IQCF2: variants seen among roughly 807,000 people sequenced by gnomAD.
IQCF2 encodes IQ domain-containing protein F2.
A neutral mutation model predicts 7.0 loss-of-function variants in IQCF2; 6 were observed. That is an observed-to-expected ratio of 0.86 (90% CI 0.47 to 1.70). The LOEUF (loss-of-function observed/expected upper bound fraction) is 1.70, where lower values mean the gene tolerates loss of function less well. IQCF2 is among the 40% of genes most tolerant of loss of function. The pLI, the probability that IQCF2 is intolerant of heterozygous loss-of-function variation, is 0.01. For missense variants in IQCF2, 174 were observed against 204.6 expected, an observed-to-expected ratio of 0.85 and a Z score of 0.91; for synonymous variants, 67 against 74.0, an observed-to-expected ratio of 0.91 and a Z score of 0.48.
At chr3:51,862,961 G>A (rs768190742) in intron 2 of IQCF2, 26 bp from the exon 3 acceptor site, 1 of 1,570,372 alleles carries the variant, frequency 6.4e-7, no homozygotes, top group Non-Finnish European at 8.6e-7. Flanking sequence ...GAAGTTTTCT[G>A]ACTGATCGCT....
intron 2 of IQCF2, 60 bp from the exon 3 acceptor site, chr3:51,862,927 G>A: frequency 6.6e-7 from 1 of 1,523,206 alleles, no homozygotes; most frequent in Non-Finnish European, 8.8e-7. Context: ...CTCCTTCCAG[G>A]AAGATCCTAG....
At position 51,863,169 on chromosome 3, in the gene IQCF2, CAGAG is replaced by C; in HGVS notation, c.299_302del (p.Glu100GlyfsTer3). On this transcript the variant is annotated frameshift_variant, in exon 3 of 3. Transcript: ENST00000333127. LOFTEE classifies it high-confidence loss of function. ...AGGCAGCTCTGATCGCCTACGCAAC[CAGAG>C]AGAGGGCAGTGATCAAGCTCCAGTC... is the stretch of plus-strand genomic sequence containing the variant. The C allele has an allele frequency of 1.9e-6, 3 of 1,614,226 alleles. No homozygotes were observed. Among genetic ancestry groups the C allele is most frequent in the Non-Finnish European group, 2.5e-6 (3 of 1,180,050 alleles).
rs780268980 is a variant in IQCF2 at position 51,861,685 on chromosome 3, G to A, written c.18+1G>A. ...ACAGGCCATGAGGGTTCGATTTTGTGTAAGAGACATGGCCAGATCTATTAG... is the reference window on the plus strand; with the variant it reads ...ACAGGCCATGAGGGTTCGATTTTGTATAAGAGACATGGCCAGATCTATTAG... On this transcript the variant is annotated splice_donor_variant, in intron 1 of 2. Coordinates refer to ENST00000333127, the MANE Select transcript of IQCF2 (RefSeq NM_203424.2). LOFTEE classifies it high-confidence loss of function. 2.5e-6 allele frequency: 4 copies of A among 1,614,042 alleles called. No homozygotes were observed. In the Admixed American group the frequency reaches 5.0e-5, roughly 20 times the overall value.
At position 51,861,627 on chromosome 3, in the gene IQCF2, G is replaced by A; in HGVS notation, c.-40G>A. The A allele has an allele frequency of 1.9e-6, 3 of 1,613,436 alleles. No homozygotes were observed. Among genetic ancestry groups the A allele is most frequent in the Non-Finnish European group, 2.5e-6 (3 of 1,179,330 alleles). On this transcript the variant is annotated 5_prime_UTR_variant, in exon 1 of 3. Coordinates refer to ENST00000333127, the MANE Select transcript of IQCF2 (RefSeq NM_203424.2). ...CGTTACTCATGCCAGACCTTGGGAA[G>A]CAGAGAAATCAGGGCTAATGAACCA... is the stretch of plus-strand genomic sequence containing the variant.
At chr3:51,862,660 A>G (rs1698651419) in intron 2 of IQCF2, among the ~76,000 whole-genome samples, 1 of 152,252 alleles carries the variant, frequency 6.6e-6, no homozygotes, top group Non-Finnish European at 1.5e-5. Context: ...TTCCAAACCC[A>G]GTGAGCACCA....
intron 2 of IQCF2, among the ~76,000 whole-genome samples, chr3:51,862,264 T>C (rs2107211385): frequency 6.6e-6 from 1 of 151,816 alleles, no homozygotes; most frequent in Admixed American, 6.6e-5. Context: ...CCGGGTGTGG[T>C]GGTGAGTGCC....
Position 51,863,420 on chromosome 3 carries a change from CT to C in IQCF2, c.*51del. ...CTACTGTCCCTATTAAAGGTCTAAC[CT>C]GGTCTGGTGTGTCTCATGGGCTCCC... On this transcript the variant is annotated 3_prime_UTR_variant, in exon 3 of 3. Transcript: ENST00000333127. 1 of 1,556,992 alleles carries C rather than the reference CT, an allele frequency of 6.4e-7. No individual in the cohort carries two copies. Among genetic ancestry groups the C allele is most frequent in the Middle Eastern group, 2.0e-4 (1 of 5,106 alleles).
chr3:51,862,953 A>C, intron 2 of IQCF2, 34 bp from the exon 3 acceptor site: 1 of 1,556,878 alleles, frequency 6.4e-7, no homozygotes, highest in Non-Finnish European at 8.7e-7. Flanking sequence ...GGTGGCAGGA[A>C]GTTTTCTGAC....
rs574803678 is a variant in IQCF2, at chr3:51,861,883, T to C, written c.44T>C (p.Ile15Thr). ...FCTKGNLILVIIEDVEESIEW... is the reference protein window; with the variant it reads ...FCTKGNLILVTIEDVEESIEW... ...ACCAAAGGCAATTTAATTTTGGTTATAATTGAGGATGTTGAAGAAAGCATT... is the reference window on the plus strand; with the variant it reads ...ACCAAAGGCAATTTAATTTTGGTTACAATTGAGGATGTTGAAGAAAGCATT... The change falls in exon 2 of 3, where the codon ATA (isoleucine) becomes ACA (threonine). Residue 15 changes from isoleucine (I) to threonine (T), a missense_variant. By Grantham distance (89) the Ile-to-Thr change is moderately conservative. Transcript: ENST00000333127. 13 of 1,613,944 alleles carry C rather than the reference T, an allele frequency of 8.1e-6. No homozygotes were observed. Among genetic ancestry groups the C allele is most frequent in the Middle Eastern group, 1.7e-4 (1 of 6,060 alleles).
At chr3:51,861,833 AC>A (rs1190592325) in intron 1 of IQCF2, 24 bp from the exon 2 acceptor site, 5 of 1,591,548 alleles carry the variant, frequency 3.1e-6, no homozygotes, top group Non-Finnish European at 3.4e-6. Flanking sequence ...TCATTTATGT[AC>A]TTCCCATTTA....
At position 51,863,163 on chromosome 3, in the gene IQCF2, C is replaced by T. The variant is rs139414965; in HGVS notation, c.288C>T (p.Tyr96=). ...EKKRQAALIA[Y]ATRERAVIKL... ...AACGGCAGGCAGCTCTGATCGCCTACGCAACCAGAGAGAGGGCAGTGATCA... is the reference window on the plus strand; with the variant it reads ...AACGGCAGGCAGCTCTGATCGCCTATGCAACCAGAGAGAGGGCAGTGATCA... Residue 96 remains tyrosine (Y), a synonymous_variant, in exon 3 of 3, where the codon TAC becomes TAT. Coordinates refer to ENST00000333127, the MANE Select transcript of IQCF2 (RefSeq NM_203424.2). The T allele has an allele frequency of 1.5e-5, 24 of 1,614,198 alleles. No homozygotes were observed. Among genetic ancestry groups the T allele is most frequent in the Admixed American group, 1.3e-4 (8 of 60,030 alleles).
Position 51,863,111 on chromosome 3 carries a change from T to A in IQCF2, c.236T>A (p.Met79Lys), listed in dbSNP as rs1451871006. 1.2e-6 allele frequency: 2 copies of A among 1,614,248 alleles called. No homozygotes were observed. Among genetic ancestry groups the A allele is most frequent in the South Asian group, 2.2e-5 (2 of 91,084 alleles). The change falls in exon 3 of 3, where the codon ATG (methionine) becomes AAG (lysine). Residue 79 changes from methionine to lysine, a missense_variant. Met to Lys is a moderately conservative substitution (Grantham distance 95). Transcript: ENST00000333127. ...TGGATAATTCAGTGCTGGTGGCGGA[T>A]GACGCTGTCGAGGGTGCTGGAGAAG... ...RAWIIQCWWR[M>K]TLSRVLEKKR...
intron 2 of IQCF2, among the ~76,000 whole-genome samples, 179 bp from the exon 3 acceptor site, chr3:51,862,808 C>T (rs191296467): frequency 1.6e-4 from 25 of 152,304 alleles, no homozygotes; most frequent in Non-Finnish European, 2.8e-4. Context: ...AGTGATGTGC[C>T]CACAGTGGCA....
chr3:51,862,043 A>T (rs1698643434), intron 2 of IQCF2, 93 bp downstream of exon 2: 1 of 855,664 alleles, frequency 1.2e-6, no homozygotes, highest in Admixed American at 2.4e-5. Flanking sequence ...TCCAGGGTCT[A>T]ATTAGGAGTC....
Position 51,863,054 on chromosome 3 carries a change from G to A in IQCF2, c.179G>A (p.Arg60His), listed in dbSNP as rs187375695. ...GCCTGGTGGCGGGGCACCCTGGTGC[G>A]CAGGACACTGCTGCATGCAGCCCTC... ...IQAWWRGTLVRRTLLHAALRA... is the reference protein window; with the variant it reads ...IQAWWRGTLVHRTLLHAALRA... Residue 60 changes from arginine (R) to histidine (H), a missense_variant, in exon 3 of 3, where the codon CGC (arginine) becomes CAC (histidine). Arg to His is a conservative substitution (Grantham distance 29). Coordinates refer to ENST00000333127, the MANE Select transcript of IQCF2 (RefSeq NM_203424.2). 4.3e-6 allele frequency: 7 copies of A among 1,614,102 alleles called. No individual in the cohort carries two copies. The East Asian group carries it at 6.7e-5, about 15-fold the overall frequency.
rs964233457 is a variant in IQCF2 at position 51,861,688 on chromosome 3, A to G, written c.18+4A>G. 3.7e-6 allele frequency: 6 copies of G among 1,614,178 alleles called. No individual in the cohort carries two copies. The African/African-American group carries it at 5.3e-5, about 14-fold the overall frequency. On this transcript the variant is annotated splice_donor_region_variant and intron_variant, in intron 1 of 2. Coordinates refer to ENST00000333127, the MANE Select transcript of IQCF2 (RefSeq NM_203424.2). ...GGCCATGAGGGTTCGATTTTGTGTA[A>G]GAGACATGGCCAGATCTATTAGGTG... is the stretch of plus-strand genomic sequence containing the variant.
chr3:51,863,172 A>G lies in IQCF2; in HGVS notation c.297A>G (p.Arg99=). The G allele has an allele frequency of 6.2e-7, 1 of 1,614,174 alleles. No individual in the cohort carries two copies. The highest frequency in any genetic ancestry group is 8.5e-7 in the Non-Finnish European group (1 of 1,180,030). Residue 99 remains arginine, a synonymous_variant, in exon 3 of 3, where the codon AGA becomes AGG. Transcript: ENST00000333127. ...RQAALIAYAT[R]ERAVIKLQSL... ...CAGCTCTGATCGCCTACGCAACCAG[A>G]GAGAGGGCAGTGATCAAGCTCCAGT...
In IQCF2 at chr3:51,863,293, A is replaced by T; in HGVS notation, c.418A>T (p.Thr140Ser). The T allele has an allele frequency of 6.2e-7, 1 of 1,614,156 alleles. No homozygotes were observed. ...CCACTGGCAATGCCACAACTGCCAG[A>T]CCTGCGCTCTCCTCCAGGGCCACTG... ...QGHWQCHNCQ[T>S]CALLQGHCVV... Residue 140 changes from threonine (T) to serine (S), a missense_variant, in exon 3 of 3, where the codon ACC becomes TCC. Coordinates refer to ENST00000333127, the MANE Select transcript of IQCF2 (RefSeq NM_203424.2).
rs775396511 is a variant in IQCF2 at position 51,863,276 on chromosome 3, A to G, written c.401A>G (p.Gln134Arg). 1 of 1,614,202 alleles carries G rather than the reference A, an allele frequency of 6.2e-7. No homozygotes were observed. The highest frequency in any genetic ancestry group is 1.1e-5 in the South Asian group (1 of 91,088). Residue 134 changes from glutamine to arginine, a missense_variant, in exon 3 of 3, where the codon CAA (glutamine) becomes CGA (arginine). Transcript: ENST00000333127. ...NAIYIIQGHW[Q>R]CHNCQTCALL... ...ATCTACATCATCCAGGGCCACTGGC[A>G]ATGCCACAACTGCCAGACCTGCGCT...
Sources: gnomAD v4.1 joint callset for allele counts (sites outside exome capture counted in the v4.1 genomes callset) on GRCh38, gnomAD v4.1.1 for gene constraint, MANE v1.5 for transcripts, NCBI Gene and HGNC (gene_info 2026-07-23, HGNC 2026-07-21) for gene names.